SLC25A30: variants seen among roughly 807,000 people sequenced by gnomAD.
SLC25A30 encodes solute carrier family 25 member 30.
In SLC25A30, 29 loss-of-function variants were observed where a neutral mutation model predicts 42.7. The observed-to-expected ratio is 0.68, with a 90% confidence interval of 0.51 to 0.93. The LOEUF (loss-of-function observed/expected upper bound fraction) is 0.93, where lower values mean the gene tolerates loss of function less well. Among genes scored for constraint, SLC25A30 ranks in the 40% least tolerant of loss-of-function variants. The pLI, the probability that SLC25A30 is intolerant of heterozygous loss-of-function variation, is 0.00. For missense variants in SLC25A30, 300 were observed against 359.7 expected (o/e 0.83, Z 1.34); for synonymous variants, 124 against 131.0 (o/e 0.95, Z 0.37).
intron 1 of SLC25A30, among the ~76,000 whole-genome samples, chr13:45,415,336 A>G (rs1883425432): frequency 1.3e-5 from 2 of 152,214 alleles, no homozygotes; most frequent in Non-Finnish European, 2.9e-5. Flanking sequence ...AGTACTTTGC[A>G]GACACTATCT....
At chr13:45,408,022 G>A (rs1882677006) in intron 3 of SLC25A30, among the ~76,000 whole-genome samples, 1 of 152,096 alleles carries the variant, frequency 6.6e-6, no homozygotes, top group Non-Finnish European at 1.5e-5. Context: ...ATGGCAGGCA[G>A]GTGATGTTTA....
rs1227603733 is a variant in SLC25A30, at chr13:45,393,907, C to T, written c.*2067G>A. On this transcript the variant is annotated 3_prime_UTR_variant, in exon 10 of 10. Coordinates refer to ENST00000519676, the MANE Select transcript of SLC25A30 (RefSeq NM_001010875.4). ...ACTGGTAATAATACTGTCTGACATTCGCTCTTTACATGGTCATTAAAATGA... is the reference window on the plus strand; with the variant it reads ...ACTGGTAATAATACTGTCTGACATTTGCTCTTTACATGGTCATTAAAATGA... 9 of 985,182 alleles carry T rather than the reference C, an allele frequency of 9.1e-6. No individual in the cohort carries two copies. The highest frequency in any genetic ancestry group is 1.1e-5 in the Non-Finnish European group (9 of 829,898). The allele number at this position is 985,182 out of a possible 1,614,324, so 61.0% of individuals were successfully genotyped here.
chr13:45,425,247 AAT>A, the SLC25A30 span, among the ~76,000 whole-genome samples: 4 of 104,622 alleles, frequency 3.8e-5, no homozygotes, highest in African/African-American at 1.2e-4. Flanking sequence ...TACATATATA[AAT>A]ATATATACGT....
chr13:45,400,219 C>T (rs1032561688), intron 7 of SLC25A30, among the ~76,000 whole-genome samples: 2 of 151,672 alleles, frequency 1.3e-5, no homozygotes, highest in African/African-American at 4.8e-5. Flanking sequence ...TCTAGGAGTT[C>T]AAGACCAGCC....
intron 1 of SLC25A30, among the ~76,000 whole-genome samples, chr13:45,415,661 G>A (rs1359581396): frequency 1.3e-5 from 2 of 149,242 alleles, no homozygotes; most frequent in Non-Finnish European, 3.0e-5. Context: ...TGAGGCAGGA[G>A]AATAGCTTTG....
the SLC25A30 span, among the ~76,000 whole-genome samples, chr13:45,425,089 A>T: frequency 0.043 from 87 of 2,038 alleles, no homozygotes; most frequent in Non-Finnish European, 0.14. Flanking sequence ...TAAATATATA[A>T]ATATATTTAT....
At chr13:45,402,211 C>T (rs927512332) in intron 6 of SLC25A30, 64 bp downstream of exon 6, 2 of 1,267,528 alleles carry the variant, frequency 1.6e-6, no homozygotes, top group African/African-American at 3.0e-5. Context: ...AGTGATAGAA[C>T]AAGTAAATTC....
At chr13:45,399,219 T>A in intron 7 of SLC25A30, 141 bp from the exon 8 acceptor site, 1 of 944,188 alleles carries the variant, frequency 1.1e-6, no homozygotes, top group Non-Finnish European at 1.5e-6. Context: ...TTTTGTTTTG[T>A]TTTTGAGACG....
At chr13:45,425,177 A>AAT in the SLC25A30 span, among the ~76,000 whole-genome samples, 1 of 98,412 alleles carries the variant, frequency 1.0e-5, no homozygotes, top group Non-Finnish European at 1.8e-5. Context: ...TAAGTATATA[A>AAT]ATATATATAC....
chr13:45,394,905 A>C lies in SLC25A30; in HGVS notation c.*1069T>G. 1.0e-6 allele frequency: 1 copy of C among 985,462 alleles called. No individual in the cohort carries two copies. Among genetic ancestry groups the C allele is most frequent in the Non-Finnish European group, 1.2e-6 (1 of 829,926 alleles). The allele number at this position is 985,462 out of a possible 1,614,324, so 61.0% of individuals were successfully genotyped here. ...AAGTAAAAACTGGAAACCTGGAAAA[A>C]TCAACTCTTTGATTCACTACCAACA... On this transcript the variant is annotated 3_prime_UTR_variant, in exon 10 of 10. Transcript: ENST00000519676.
chr13:45,421,505 C>A (rs958505889), upstream of SLC25A30, among the ~76,000 whole-genome samples: 1 of 151,806 alleles, frequency 6.6e-6, no homozygotes, highest in African/African-American at 2.4e-5. Flanking sequence ...CTTCAACTTT[C>A]CCCCTATTTG....
chr13:45,418,940 CA>C (rs1168457204), upstream of SLC25A30, among the ~76,000 whole-genome samples: 3 of 14,916 alleles, frequency 2.0e-4, no homozygotes, highest in Non-Finnish European at 2.7e-4. Context: ...GACTTCGTCT[CA>C]AAAAAAAAAA....
At position 45,405,899 on chromosome 13, in the gene SLC25A30, G is replaced by A. The variant is rs1307713483; in HGVS notation, c.291C>T (p.Phe97=). 6.2e-7 allele frequency: 1 copy of A among 1,614,042 alleles called. No individual in the cohort carries two copies. ...CCCACTCACCTTCTGGGCGTTCAATGAATAGTCGCTTCAAGCTCTGGTAAG... is the reference window on the plus strand; with the variant it reads ...CCCACTCACCTTCTGGGCGTTCAATAAATAGTCGCTTCAAGCTCTGGTAAG... The part of the protein sequence containing the change: ...IGTYQSLKRL[F]IERPEDETLP... The change falls in exon 4 of 10, where the codon TTC becomes TTT. Residue 97 remains phenylalanine (F), a synonymous_variant. Transcript: ENST00000519676.
At chr13:45,415,472 C>T (rs1195250998) in intron 1 of SLC25A30, among the ~76,000 whole-genome samples, 1 of 151,872 alleles carries the variant, frequency 6.6e-6, no homozygotes, top group Non-Finnish European at 1.5e-5. Flanking sequence ...AGCTGTTGGC[C>T]GGGTGTGGTG....
chr13:45,432,719 A>C, the SLC25A30 span, among the ~76,000 whole-genome samples: 1 of 151,984 alleles, frequency 6.6e-6, no homozygotes, highest in South Asian at 2.1e-4. Context: ...TAAAAAAAAA[A>C]AACAATCAAT....
At chr13:45,402,082 A>C (rs577209559) in intron 6 of SLC25A30, among the ~76,000 whole-genome samples, 193 bp downstream of exon 6, 3 of 147,918 alleles carry the variant, frequency 2.0e-5, no homozygotes, top group African/African-American at 7.8e-5. Context: ...AAAAAAAAAA[A>C]TCATGACATA....
At chr13:45,419,219 ATATC>A (rs1044619471), upstream of SLC25A30, among the ~76,000 whole-genome samples, 10 of 149,026 alleles carry the variant, frequency 6.7e-5, no homozygotes, top group African/African-American at 2.4e-4. Context: ...CTTTACATAT[ATATC>A]TAATATACAT....
chr13:45,394,117 G>A lies in SLC25A30; in HGVS notation c.*1857C>T. On this transcript the variant is annotated 3_prime_UTR_variant, in exon 10 of 10. Transcript: ENST00000519676. Reference sequence around the variant, plus strand: ...TGGAAAGAAGAAAAAATCCTAAGGTGTAGTTTAGAACAAGCAGCAAGGCCT... The same window carrying A: ...TGGAAAGAAGAAAAAATCCTAAGGTATAGTTTAGAACAAGCAGCAAGGCCT... 4 of 985,388 alleles carry A rather than the reference G, an allele frequency of 4.1e-6. No individual in the cohort carries two copies. Among genetic ancestry groups the A allele is most frequent in the Non-Finnish European group, 4.8e-6 (4 of 829,938 alleles). The allele number at this position is 985,388 out of a possible 1,614,324, so 61.0% of individuals were successfully genotyped here. A position where few individuals can be genotyped will look rare whatever the true frequency, so the allele number is the denominator to read the frequency against.
chr13:45,419,517 C>T (rs1195749844), upstream of SLC25A30, among the ~76,000 whole-genome samples: 2 of 150,396 alleles, frequency 1.3e-5, no homozygotes, highest in East Asian at 2.0e-4. Flanking sequence ...TGGGGTTTCT[C>T]CATATTGGTG....
Sources: gnomAD v4.1 joint callset for allele counts (sites outside exome capture counted in the v4.1 genomes callset) on GRCh38, gnomAD v4.1.1 for gene constraint, MANE v1.5 for transcripts, NCBI Gene and HGNC (gene_info 2026-07-23, HGNC 2026-07-21) for gene names.